Variants in CAST observed in about 807,000 individuals in gnomAD.
CAST encodes MIR583 host.
Under a neutral mutation model 119.6 loss-of-function variants are expected in CAST, and 76 were observed. That is an observed-to-expected ratio of 0.64 (90% CI 0.53 to 0.77). CAST has a LOEUF of 0.77. CAST is among the 30% of genes least tolerant of loss of function. The pLI, the probability that CAST is intolerant of heterozygous loss-of-function variation, is 0.00. For missense variants in CAST, 953 were observed against 946.5 expected (o/e 1.01, Z -0.09); for synonymous variants, 319 against 331.6 (o/e 0.96, Z 0.41).
the CAST span, among the ~76,000 whole-genome samples, chr5:96,108,829 G>T: frequency 2.0e-5 from 3 of 152,224 alleles, no homozygotes; most frequent in Non-Finnish European, 4.4e-5. Context: ...CAGCCTTGCT[G>T]CCACCTTGCA....
the CAST span, among the ~76,000 whole-genome samples, chr5:96,088,440 C>T: frequency 1.2e-3 from 190 of 152,230 alleles, no homozygotes; most frequent in African/African-American, 4.2e-3. Context: ...GAAAGGATGG[C>T]AGACCCAGGC....
At chr5:96,212,282 T>A in the CAST span, among the ~76,000 whole-genome samples, 2 of 152,328 alleles carry the variant, frequency 1.3e-5, no homozygotes, top group East Asian at 3.9e-4. Flanking sequence ...AATTTCCCTC[T>A]AAGCACTGCT....
the CAST span, among the ~76,000 whole-genome samples, chr5:96,403,657 G>A: frequency 6.6e-6 from 1 of 152,190 alleles, no homozygotes; most frequent in African/African-American, 2.4e-5. Flanking sequence ...ACCGAATTAA[G>A]CATTGCTTCT....
chr5:96,643,806 G>A (rs145071255), intron 1 of CAST, among the ~76,000 whole-genome samples: 54 of 152,296 alleles, frequency 3.5e-4, no homozygotes, highest in African/African-American at 1.3e-3. Flanking sequence ...CTTGGAGGCC[G>A]AGATTGCAGT....
the CAST span, among the ~76,000 whole-genome samples, chr5:96,178,632 G>A: frequency 1.3e-5 from 2 of 152,272 alleles, no homozygotes; most frequent in Middle Eastern, 3.4e-3. Flanking sequence ...CTCTAATGGT[G>A]GCCTTTGAGA....
At chr5:95,989,310 A>G in the CAST span, among the ~76,000 whole-genome samples, 1 of 152,124 alleles carries the variant, frequency 6.6e-6, no homozygotes, top group Non-Finnish European at 1.5e-5. Context: ...AGAGCATGAT[A>G]TATCTTTTGG....
chr5:96,722,570 G>A lies in CAST; in HGVS notation c.211-69G>A. 11 of 1,176,778 alleles carry A rather than the reference G, an allele frequency of 9.3e-6. No individual in the cohort carries two copies. In the South Asian group the frequency reaches 1.3e-4, roughly 14 times the overall value. The allele number at this position is 1,176,778 out of a possible 1,614,324, so 72.9% of individuals were successfully genotyped here. ...GGGCCAAGGGCAGTATGGTTAAGAG[G>A]AGCTGAAGGACCATGTAGATTGTAG... On this transcript the variant is annotated intron_variant, in intron 3 of 31. Coordinates refer to ENST00000675179, the MANE Select transcript of CAST (RefSeq NM_001750.7).
chr5:96,555,955 C>T (rs566488929), intron 1 of CAST, among the ~76,000 whole-genome samples: 39 of 152,286 alleles, frequency 2.6e-4, no homozygotes, highest in African/African-American at 9.1e-4. Context: ...CTGGGAGGCA[C>T]CCCCCAGTAG....
the CAST span, among the ~76,000 whole-genome samples, chr5:96,031,239 A>G: frequency 6.6e-6 from 1 of 151,758 alleles, no homozygotes; most frequent in Admixed American, 6.6e-5. Context: ...GACCAAAAAA[A>G]AAAAAAAAAA....
At chr5:96,278,865 C>T in the CAST span, 1 of 152,172 alleles carries the variant, frequency 6.6e-6, no homozygotes, top group Admixed American at 6.5e-5. Flanking sequence ...TGCATAAATA[C>T]ATGCATCCAC....
the CAST span, among the ~76,000 whole-genome samples, chr5:96,022,188 G>A: frequency 6.6e-5 from 10 of 152,040 alleles, no homozygotes; most frequent in Admixed American, 2.6e-4. Context: ...TATCTTTGGC[G>A]GTCCTGGAAC....
chr5:96,062,833 C>G, the CAST span, among the ~76,000 whole-genome samples: 1 of 152,018 alleles, frequency 6.6e-6, no homozygotes, highest in Non-Finnish European at 1.5e-5. Flanking sequence ...AGAACATGTC[C>G]CGCAGTGATG....
intron 2 of CAST, among the ~76,000 whole-genome samples, chr5:96,689,864 C>A (rs1389403997): frequency 1.3e-5 from 2 of 152,290 alleles, no homozygotes; most frequent in East Asian, 3.9e-4. Flanking sequence ...TTCTTCATTT[C>A]CCTCTTTCTT....
the CAST span, among the ~76,000 whole-genome samples, chr5:96,300,139 T>C: frequency 1.3e-5 from 2 of 152,166 alleles, no homozygotes; most frequent in African/African-American, 4.8e-5. Flanking sequence ...TTTGCTTTTG[T>C]TGCCTATATT....
the CAST span, chr5:96,278,862 A>C: frequency 6.6e-6 from 1 of 152,250 alleles, no homozygotes; most frequent in South Asian, 2.1e-4. Context: ...ATATGCATAA[A>C]TACATGCATC....
the CAST span, among the ~76,000 whole-genome samples, chr5:96,190,790 G>A: frequency 2.0e-5 from 3 of 151,970 alleles, no homozygotes; most frequent in Admixed American, 6.5e-5. Flanking sequence ...TAAGTATATT[G>A]CATGATGCTG....
the CAST span, among the ~76,000 whole-genome samples, chr5:96,101,756 G>A: frequency 6.6e-6 from 1 of 152,182 alleles, no homozygotes; most frequent in Non-Finnish European, 1.5e-5. Context: ...AGACCAGCCT[G>A]AGCAACCAAG....
the CAST span, among the ~76,000 whole-genome samples, chr5:96,010,800 T>C: frequency 6.6e-6 from 1 of 152,238 alleles, no homozygotes; most frequent in Admixed American, 6.5e-5. Context: ...GTAATTTTCC[T>C]TGTAGAGATC....
the CAST span, among the ~76,000 whole-genome samples, chr5:96,288,245 G>A: frequency 6.6e-6 from 1 of 152,028 alleles, no homozygotes; most frequent in Admixed American, 6.6e-5. Context: ...ATAGACACGG[G>A]GACTGTTTTT....
Sources: gnomAD v4.1 joint callset for allele counts (sites outside exome capture counted in the v4.1 genomes callset) on GRCh38, gnomAD v4.1.1 for gene constraint, MANE v1.5 for transcripts, NCBI Gene and HGNC (gene_info 2026-07-23, HGNC 2026-07-21) for gene names.